IPO9: variants seen among roughly 807,000 people sequenced by gnomAD.
The protein encoded by IPO9 is importin-9.
A neutral mutation model predicts 128.6 loss-of-function variants in IPO9; 28 were observed. The ratio of observed to expected loss-of-function variants is 0.22; its 90% CI spans 0.16 to 0.30. IPO9 has a LOEUF of 0.30. Ranked by LOEUF, IPO9 falls within the 10% of genes least tolerant of loss-of-function variation. IPO9 has a pLI of 1.00. For missense variants in IPO9, 935 were observed against 1,293.9 expected (o/e 0.72, Z 4.26); for synonymous variants, 455 against 475.8 (o/e 0.96, Z 0.57).
intron 9 of IPO9, among the ~76,000 whole-genome samples, 179 bp downstream of exon 9, chr1:201,855,361 C>A (rs781340354): frequency 2.7e-4 from 41 of 152,162 alleles, no homozygotes; most frequent in Non-Finnish European, 4.7e-4. Flanking sequence ...TTAATCTGTT[C>A]CACATAGGTA....
At chr1:201,851,989 A>T in intron 4 of IPO9, 115 bp from the exon 5 acceptor site, 1 of 595,110 alleles carries the variant, frequency 1.7e-6, no homozygotes, top group Non-Finnish European at 3.0e-6. Context: ...CAGTGTCTTT[A>T]CCTGTGTGCT....
chr1:201,844,630 A>G (rs1168317345), intron 1 of IPO9, among the ~76,000 whole-genome samples: 1 of 152,268 alleles, frequency 6.6e-6, no homozygotes, highest in African/African-American at 2.4e-5. Context: ...AATGATATCC[A>G]TGAACTCTGT....
chr1:201,834,259 GT>G (rs1302134530), intron 1 of IPO9, among the ~76,000 whole-genome samples: 6 of 138,986 alleles, frequency 4.3e-5, no homozygotes, highest in Non-Finnish European at 9.3e-5. Context: ...TTCTAATTCT[GT>G]TTTGTTTAAT....
chr1:201,872,705 C>A, intron 19 of IPO9, 123 bp from the exon 20 acceptor site: 1 of 1,107,480 alleles, frequency 9.0e-7, no homozygotes, highest in Non-Finnish European at 1.3e-6. Flanking sequence ...CTTAGCTCTC[C>A]TAATTAGTTG....
intron 15 of IPO9, among the ~76,000 whole-genome samples, 185 bp downstream of exon 15, chr1:201,867,144 A>G (rs1316648242): frequency 6.6e-6 from 1 of 152,254 alleles, no homozygotes; most frequent in Non-Finnish European, 1.5e-5. Context: ...CAGCATTAAA[A>G]AATAGAGTAC....
In IPO9 at chr1:201,881,017, T is replaced by C. The variant is rs1454015756; in HGVS notation, c.*4963T>C. The C allele has an allele frequency of 6.6e-6, 1 of 152,212 alleles. No homozygotes were observed. Among genetic ancestry groups the C allele is most frequent in the Non-Finnish European group, 1.5e-5 (1 of 68,038 alleles). The allele number at this position is 152,212 out of a possible 1,614,324, so 9.4% of individuals were successfully genotyped here. A position where few individuals can be genotyped will look rare whatever the true frequency, so the allele number is the denominator to read the frequency against. On this transcript the variant is annotated 3_prime_UTR_variant, in exon 24 of 24. Coordinates refer to ENST00000361565, the MANE Select transcript of IPO9 (RefSeq NM_018085.5). Reference sequence around the variant, plus strand: ...TATTTTCAACTTTTGTTGGGTTTATTGGGATGTAGCCCCATTATAAGCTGA... The same window carrying C: ...TATTTTCAACTTTTGTTGGGTTTATCGGGATGTAGCCCCATTATAAGCTGA...
At position 201,882,746 on chromosome 1, in the gene IPO9, T is replaced by G. The variant is rs1171837456; in HGVS notation, c.*6692T>G. 1.3e-5 allele frequency: 2 copies of G among 152,502 alleles called. No individual in the cohort carries two copies. The highest frequency in any genetic ancestry group is 4.8e-5 in the African/African-American group (2 of 41,450). 9.4% of individuals were successfully genotyped at this position (152,502 alleles called of 1,614,324 possible). A position where few individuals can be genotyped will look rare whatever the true frequency, so the allele number is the denominator to read the frequency against. ...GTTGTTCTGACTTGGCATGATTACA[T>G]AGCTGCGGCAAGTGACGTTTCCTTC... On this transcript the variant is annotated 3_prime_UTR_variant, in exon 24 of 24. Coordinates refer to ENST00000361565, the MANE Select transcript of IPO9 (RefSeq NM_018085.5).
In IPO9 at chr1:201,872,907, G is replaced by C; in HGVS notation, c.2656G>C (p.Glu886Gln). Residue 886 changes from glutamate (E) to glutamine (Q), a missense_variant, in exon 20 of 24, where the codon GAG (glutamate) becomes CAG (glutamine). Physicochemically the swap from Glu to Gln is conservative, Grantham distance 29. Around this residue, in one of 3 missense-constraint regions of IPO9, gnomAD observed 188 missense variants for 246.7 expected, o/e 0.76. Coordinates refer to ENST00000361565, the MANE Select transcript of IPO9 (RefSeq NM_018085.5). ...GCTACAGGATATCCGTGTGAAGGGAGAGGAGATCTACAGCATGGATGAGGG... is the reference window on the plus strand; with the variant it reads ...GCTACAGGATATCCGTGTGAAGGGACAGGAGATCTACAGCATGGATGAGGG... The part of the protein sequence containing the change: ...KRLQDIRVKG[E>Q]EIYSMDEGIR... The C allele has an allele frequency of 6.2e-7, 1 of 1,613,978 alleles. No homozygotes were observed.
chr1:201,842,369 C>A (rs759709017), intron 1 of IPO9, among the ~76,000 whole-genome samples: 1 of 152,044 alleles, frequency 6.6e-6, no homozygotes, highest in African/African-American at 2.4e-5. Flanking sequence ...GGTTTCATTA[C>A]CCTACCATGA....
At chr1:201,834,476 G>T (rs911181317) in intron 1 of IPO9, among the ~76,000 whole-genome samples, 1 of 151,824 alleles carries the variant, frequency 6.6e-6, no homozygotes, top group Non-Finnish European at 1.5e-5. Context: ...TGGTGTATTC[G>T]TGCTTTATTT....
chr1:201,844,893 T>C (rs1264328526), intron 1 of IPO9, among the ~76,000 whole-genome samples: 1 of 152,172 alleles, frequency 6.6e-6, no homozygotes, highest in Non-Finnish European at 1.5e-5. Context: ...TAAAAAATAA[T>C]AGCAAAATAA....
intron 15 of IPO9, 24 bp from the exon 16 acceptor site, chr1:201,868,622 ATT>A: frequency 1.2e-6 from 2 of 1,600,974 alleles, no homozygotes; most frequent in Middle Eastern, 3.6e-4. Context: ...AGGCAGGGGG[ATT>A]CCGTGTTGCC....
intron 10 of IPO9, among the ~76,000 whole-genome samples, chr1:201,856,407 C>T (rs12072852): frequency 0.014 from 2,092 of 152,138 alleles, 43 homozygotes; most frequent in African/African-American, 0.045. Flanking sequence ...CAGCAAAGAA[C>T]GTTCAAAAAT....
At chr1:201,859,207 A>ATATATATATATATATATAT (rs1491106859) in intron 13 of IPO9, among the ~76,000 whole-genome samples, 40 of 140,484 alleles carry the variant, frequency 2.8e-4, no homozygotes, top group South Asian at 6.8e-4. Flanking sequence ...ATATATATAT[A>ATATATATATATATATATAT]AAGGAAACTC....
At chr1:201,831,110 C>T (rs1377958058) in intron 1 of IPO9, among the ~76,000 whole-genome samples, 2 of 152,178 alleles carry the variant, frequency 1.3e-5, no homozygotes, top group Non-Finnish European at 2.9e-5. Context: ...TCAAGCGATC[C>T]TCCCACCTAG....
In IPO9 at chr1:201,848,576, G is replaced by C. The variant is rs1039563825; in HGVS notation, c.496G>C (p.Ala166Pro). The C allele has an allele frequency of 1.2e-6, 2 of 1,613,940 alleles. No homozygotes were observed. The highest frequency in any genetic ancestry group is 1.7e-6 in the Non-Finnish European group (2 of 1,179,990). The change falls in exon 4 of 24, where the codon GCC (alanine) becomes CCC (proline). Residue 166 changes from alanine to proline, a missense_variant. Coordinates refer to ENST00000361565, the MANE Select transcript of IPO9 (RefSeq NM_018085.5). ...CGGAGACTTAAATGCCGTCCATGGA[G>C]CCATGCGTGTGCTGACAGGTACCAG... ...VSGDLNAVHGAMRVLTEFTRE... is the reference protein window; with the variant it reads ...VSGDLNAVHGPMRVLTEFTRE...
intron 4 of IPO9, among the ~76,000 whole-genome samples, chr1:201,849,014 T>C: frequency 6.6e-6 from 1 of 152,330 alleles, no homozygotes. Flanking sequence ...TCAGTAAAGT[T>C]TAGTTACTAT....
rs1671070150 is a variant in IPO9 at position 201,881,271 on chromosome 1, C to A, written c.*5217C>A. ...GCTAAATACTTTTACCTCAGACCAC[C>A]TACTAACCTTACAAAGTAGTCCACT... On this transcript the variant is annotated 3_prime_UTR_variant, in exon 24 of 24. Transcript: ENST00000361565. The A allele has an allele frequency of 6.6e-6, 1 of 152,202 alleles. No individual in the cohort carries two copies. Among genetic ancestry groups the A allele is most frequent in the African/African-American group, 2.4e-5 (1 of 41,446 alleles). The allele number at this position is 152,202 out of a possible 1,614,324, so 9.4% of individuals were successfully genotyped here. A position where few individuals can be genotyped will look rare whatever the true frequency, so the allele number is the denominator to read the frequency against.
At chr1:201,831,543 C>G (rs928963903) in intron 1 of IPO9, among the ~76,000 whole-genome samples, 1 of 152,166 alleles carries the variant, frequency 6.6e-6, no homozygotes, top group South Asian at 2.1e-4. Context: ...GAATGGCGGT[C>G]CATTCCCTCA....
Sources: gnomAD v4.1 joint callset for allele counts (sites outside exome capture counted in the v4.1 genomes callset) on GRCh38, gnomAD v4.1.1 for gene constraint, gnomAD v4.1.1 regional missense constraint, MANE v1.5 for transcripts, NCBI Gene and HGNC (gene_info 2026-07-23, HGNC 2026-07-21) for gene names.